The following ZRANB1 variants were observed in gnomAD, a reference collection of about 807,000 sequenced individuals.
The protein encoded by ZRANB1 is ubiquitin thioesterase ZRANB1.
ZRANB1 carries 16 observed loss-of-function variants against 80.5 expected under a neutral mutation model. The ratio of observed to expected loss-of-function variants is 0.20; its 90% confidence interval spans 0.13 to 0.30. ZRANB1 has a LOEUF of 0.30. Among genes scored for constraint, ZRANB1 ranks in the 10% least tolerant of loss-of-function variants. ZRANB1 has a pLI of 1.00. For synonymous variants in ZRANB1, 291 were observed against 293.1 expected (o/e 0.99, Z 0.07); for missense variants, 576 against 862.6 (o/e 0.67, Z 4.16).
the ZRANB1 span, among the ~76,000 whole-genome samples, chr10:124,919,613 CTT>C: frequency 8.4e-5 from 11 of 131,558 alleles, no homozygotes; most frequent in Admixed American, 2.2e-4. Flanking sequence ...CCTCCTCCTC[CTT>C]TTTTTTTTTT....
At chr10:124,940,437 A>G (rs1951524756), upstream of ZRANB1, 5 of 1,177,276 alleles carry the variant, frequency 4.2e-6, no homozygotes, top group Admixed American at 2.4e-5. Context: ...AGGAAGTCAG[A>G]ATTCTGAGCC....
chr10:124,960,695 A>G (rs1382360377), intron 1 of ZRANB1, among the ~76,000 whole-genome samples: 1 of 152,098 alleles, frequency 6.6e-6, no homozygotes, highest in Admixed American at 6.6e-5. Flanking sequence ...TGCTGAGATT[A>G]TAGGTGTGAA....
At position 124,983,496 on chromosome 10, in the gene ZRANB1, T is replaced by C. The variant is rs1951960740; in HGVS notation, c.1716T>C (p.Cys572=). The C allele has an allele frequency of 2.5e-6, 4 of 1,612,944 alleles. No homozygotes were observed. The highest frequency in any genetic ancestry group is 3.4e-6 in the Non-Finnish European group (4 of 1,178,962). The part of the protein sequence containing the change: ...YLPLLWEQSF[C]WKSPIALGYT... ...CTTTGTTGTGGGAACAGAGTTTTTG[T>C]TGGAAAAGTCCGATTGCTCTGGGTT... is the stretch of plus-strand genomic sequence containing the variant. The change falls in exon 8 of 9, where the codon TGT becomes TGC. Residue 572 remains cysteine (C), a synonymous_variant. Coordinates refer to ENST00000359653, the MANE Select transcript of ZRANB1 (RefSeq NM_017580.3). The surrounding 1 kb of genome is among the most constrained non-coding windows in gnomAD (Gnocchi z 6.2).
chr10:124,966,196 C>G (rs1388452445), intron 1 of ZRANB1, among the ~76,000 whole-genome samples: 15 of 152,126 alleles, frequency 9.9e-5, no homozygotes. Flanking sequence ...TCAACACCAG[C>G]TGGAAGCACA....
the ZRANB1 span, among the ~76,000 whole-genome samples, chr10:124,919,614 T>TC: frequency 3.6e-5 from 4 of 109,940 alleles, no homozygotes; most frequent in African/African-American, 9.8e-5. Flanking sequence ...CTCCTCCTCC[T>TC]TTTTTTTTTT....
the ZRANB1 span, among the ~76,000 whole-genome samples, chr10:124,936,712 G>A: frequency 1.3e-5 from 2 of 152,130 alleles, no homozygotes; most frequent in Non-Finnish European, 2.9e-5. Flanking sequence ...GAGTTAAGTA[G>A]TTTGAAGTTT....
the ZRANB1 span, among the ~76,000 whole-genome samples, chr10:124,932,281 A>ATT: frequency 2.6e-5 from 3 of 115,290 alleles, no homozygotes; most frequent in African/African-American, 1.2e-4. Context: ...GGGTGTAAAG[A>ATT]TTTTTTTTTT....
upstream of ZRANB1, among the ~76,000 whole-genome samples, chr10:124,938,484 C>T (rs1564952861): frequency 6.6e-6 from 1 of 150,846 alleles, no homozygotes; most frequent in African/African-American, 2.4e-5. Flanking sequence ...GTGCCACCAC[C>T]CTGGGCTAAT....
chr10:124,950,082 A>G (rs1951624447), intron 1 of ZRANB1, among the ~76,000 whole-genome samples: 1 of 152,138 alleles, frequency 6.6e-6, no homozygotes, highest in Non-Finnish European at 1.5e-5. Context: ...CATGTCTGTA[A>G]AGACTTAGAT....
chr10:124,951,731 C>T (rs939560332), intron 1 of ZRANB1, among the ~76,000 whole-genome samples: 2 of 151,978 alleles, frequency 1.3e-5, no homozygotes, highest in Non-Finnish European at 2.9e-5. Flanking sequence ...GCGGGGCGGT[C>T]GGATCACTTG....
chr10:124,986,389 TGTTTA>T lies in ZRANB1; in HGVS notation c.*1401_*1405del, dbSNP rs1209918765. The stretch of plus-strand genomic sequence containing the variant: ...TAAAGTATTTGCTTGCTTCTTGTTT[TGTTTA>T]GTTGATAATGAAATGTGTACAACCT... On this transcript the variant is annotated 3_prime_UTR_variant, in exon 9 of 9. Coordinates refer to ENST00000359653, the MANE Select transcript of ZRANB1 (RefSeq NM_017580.3). 3 of 152,518 alleles carry T rather than the reference TGTTTA, an allele frequency of 2.0e-5. No homozygotes were observed. The highest frequency in any genetic ancestry group is 4.8e-5 in the African/African-American group (2 of 41,396). 9.4% of individuals were successfully genotyped at this position (152,518 alleles called of 1,614,324 possible).
the ZRANB1 span, among the ~76,000 whole-genome samples, chr10:124,928,482 A>C: frequency 6.6e-6 from 1 of 152,204 alleles, no homozygotes; most frequent in Non-Finnish European, 1.5e-5. Context: ...TGTGGTATAT[A>C]TTAGAAGTGT....
At chr10:124,949,509 ACACACACACACAC>A (rs1951616831) in intron 1 of ZRANB1, among the ~76,000 whole-genome samples, 1 of 107,166 alleles carries the variant, frequency 9.3e-6, no homozygotes, top group Non-Finnish European at 2.1e-5. Flanking sequence ...ACACACACAC[ACACACACACACAC>A]ATTTTTTTTT....
At chr10:124,959,924 T>TG (rs35296385) in intron 1 of ZRANB1, among the ~76,000 whole-genome samples, 1 of 152,040 alleles carries the variant, frequency 6.6e-6, no homozygotes, top group East Asian at 1.9e-4. Flanking sequence ...TCAGTGGAGA[T>TG]GGGGAAAGGG....
intron 1 of ZRANB1, among the ~76,000 whole-genome samples, chr10:124,948,589 C>T (rs1350555601): frequency 2.0e-5 from 3 of 151,870 alleles, no homozygotes; most frequent in East Asian, 3.9e-4. Context: ...TCTCCACCTT[C>T]GCTTCTTTTC....
upstream of ZRANB1, among the ~76,000 whole-genome samples, chr10:124,939,450 CA>C (rs1315182744): frequency 6.6e-6 from 1 of 152,024 alleles, no homozygotes; most frequent in Non-Finnish European, 1.5e-5. Flanking sequence ...TTTTACCAGG[CA>C]TTTATGACAG....
upstream of ZRANB1, chr10:124,940,638 GTA>G: frequency 1.3e-5 from 10 of 764,002 alleles, no homozygotes; most frequent in Non-Finnish European, 1.7e-5. Context: ...TATAAATGGT[GTA>G]TGGACTTGGC....
At chr10:124,971,721 G>A (rs904149764) in intron 2 of ZRANB1, among the ~76,000 whole-genome samples, 1 of 152,158 alleles carries the variant, frequency 6.6e-6, no homozygotes, top group Non-Finnish European at 1.5e-5. Flanking sequence ...GCATCTTTGA[G>A]TATTTCCTTG....
At chr10:124,974,137 C>T in intron 4 of ZRANB1, 63 bp from the exon 5 acceptor site, 1 of 1,536,622 alleles carries the variant, frequency 6.5e-7, no homozygotes, top group Admixed American at 1.7e-5. Context: ...GGTTCTTCTC[C>T]CCATGAGTAT....
Sources: gnomAD v4.1 joint callset for allele counts (sites outside exome capture counted in the v4.1 genomes callset) on GRCh38, gnomAD v4.1.1 for gene constraint, Gnocchi (gnomAD v3.1) non-coding constraint, MANE v1.5 for transcripts, NCBI Gene and HGNC (gene_info 2026-07-23, HGNC 2026-07-21) for gene names.